The following SLC5A8 variants were observed in gnomAD, a reference collection of about 807,000 sequenced individuals.
SLC5A8 encodes the protein solute carrier family 5 member 8, also known as sodium-coupled monocarboxylate transporter 1.
Under a neutral mutation model 71.9 loss-of-function variants are expected in SLC5A8, and 55 were observed. The ratio of observed to expected loss-of-function variants is 0.77; its 90% confidence interval spans 0.62 to 0.96. SLC5A8 has a LOEUF of 0.96. Among genes scored for constraint, SLC5A8 ranks in the 40% least tolerant of loss-of-function variants. SLC5A8 has a pLI of 0.00. For synonymous variants in SLC5A8, 307 were observed against 276.1 expected, an observed-to-expected ratio of 1.11 and a Z score of -1.11; for missense variants, 701 against 745.3, an observed-to-expected ratio of 0.94 and a Z score of 0.69.
chr12:101,175,683 A>T (rs1210602642), intron 10 of SLC5A8, among the ~76,000 whole-genome samples: 1 of 152,140 alleles, frequency 6.6e-6, no homozygotes, highest in East Asian at 1.9e-4. Flanking sequence ...GAAAACAATT[A>T]GAATAGTAGC....
chr12:101,197,784 G>A (rs761579128), intron 3 of SLC5A8, among the ~76,000 whole-genome samples: 119 of 152,090 alleles, frequency 7.8e-4, no homozygotes, highest in Admixed American at 2.8e-3. Context: ...GGTAGAACAA[G>A]TAAAACAAAT....
chr12:101,173,040 C>G (rs1038804801), intron 10 of SLC5A8, among the ~76,000 whole-genome samples: 2 of 152,180 alleles, frequency 1.3e-5, no homozygotes, highest in East Asian at 3.9e-4. Flanking sequence ...AAAAGAGGCT[C>G]ATTCTGGGGG....
Position 101,195,152 on chromosome 12 carries a change from A to C in SLC5A8, c.480T>G (p.Phe160Leu). 2 of 1,614,128 alleles carry C rather than the reference A, an allele frequency of 1.2e-6. No homozygotes were observed. The highest frequency in any genetic ancestry group is 1.7e-6 in the Non-Finnish European group (2 of 1,179,998). Residue 160 changes from phenylalanine to leucine, a missense_variant, in exon 4 of 15, where the codon TTT (phenylalanine) becomes TTG (leucine). Transcript: ENST00000536262. Reference sequence around the variant, plus strand: ...TTGCCACTACCGCGCCCCACAGATCAAATCCTGTGACTGTAGAAAAAAATA... The same window carrying C: ...TTGCCACTACCGCGCCCCACAGATCCAATCCTGTGACTGTAGAAAAAAATA... ...PALALNQVTG[F>L]DLWGAVVATG...
At chr12:101,166,410 G>A in intron 12 of SLC5A8, 84 bp downstream of exon 12, 12 of 1,180,916 alleles carry the variant, frequency 1.0e-5, no homozygotes, top group Non-Finnish European at 1.4e-5. Context: ...TCACAGTGTT[G>A]TAAGCAAGAC....
chr12:101,197,730 T>C (rs823774), intron 3 of SLC5A8, among the ~76,000 whole-genome samples: 79,073 of 151,874 alleles, frequency 0.52, 21,883 homozygotes, highest in African/African-American at 0.72. Flanking sequence ...ATAGAAAAAT[T>C]GATAATTATA....
At chr12:101,194,745 G>A (rs1417556924) in intron 4 of SLC5A8, among the ~76,000 whole-genome samples, 1 of 152,142 alleles carries the variant, frequency 6.6e-6, no homozygotes. Flanking sequence ...CCAAATTGCT[G>A]GTATTACAGG....
chr12:101,180,127 A>T, intron 9 of SLC5A8, 31 bp from the exon 10 acceptor site: 2 of 1,603,096 alleles, frequency 1.2e-6, no homozygotes, highest in Admixed American at 1.7e-5. Context: ...CCAGTGTAAA[A>T]TCCACACCCA....
intron 10 of SLC5A8, among the ~76,000 whole-genome samples, chr12:101,179,002 A>G (rs573001034): frequency 2.0e-4 from 30 of 152,328 alleles, no homozygotes; most frequent in African/African-American, 7.0e-4. Flanking sequence ...AAAAGACATT[A>G]TGAGATAATG....
intron 9 of SLC5A8, among the ~76,000 whole-genome samples, chr12:101,182,239 A>G (rs568761317): frequency 1.3e-5 from 2 of 152,362 alleles, no homozygotes; most frequent in Admixed American, 1.3e-4. Flanking sequence ...ACAGACAACT[A>G]AGACGAGTCA....
intron 3 of SLC5A8, among the ~76,000 whole-genome samples, chr12:101,196,957 T>C (rs1869203797): frequency 6.6e-6 from 1 of 152,166 alleles, no homozygotes; most frequent in Non-Finnish European, 1.5e-5. Flanking sequence ...GAGTCCAATA[T>C]GCAGCCAAGG....
rs886627072 is a variant in SLC5A8 at position 101,156,624 on chromosome 12, G to C, written c.*655C>G. 2.0e-5 allele frequency: 3 copies of C among 152,226 alleles called. No individual in the cohort carries two copies. The highest frequency in any genetic ancestry group is 7.2e-5 in the African/African-American group (3 of 41,448). 9.4% of individuals were successfully genotyped at this position (152,226 alleles called of 1,614,324 possible). On this transcript the variant is annotated 3_prime_UTR_variant, in exon 15 of 15. Transcript: ENST00000536262. ...CAGCAGCCAAAGCCCAGAAACTCTAGAAAACAAGCCAAAAGGCACAAGAAT... is the reference window on the plus strand; with the variant it reads ...CAGCAGCCAAAGCCCAGAAACTCTACAAAACAAGCCAAAAGGCACAAGAAT...
At chr12:101,160,161 A>C (rs1293760896) in intron 13 of SLC5A8, among the ~76,000 whole-genome samples, 1 of 152,150 alleles carries the variant, frequency 6.6e-6, no homozygotes, top group African/African-American at 2.4e-5. Context: ...CAGCCTGGGC[A>C]AAAGAGCGAG....
At chr12:101,176,197 T>C (rs1337512203) in intron 10 of SLC5A8, among the ~76,000 whole-genome samples, 1 of 152,018 alleles carries the variant, frequency 6.6e-6, no homozygotes, top group African/African-American at 2.4e-5. Flanking sequence ...TAGAAGTAAC[T>C]ATATTAATAT....
intron 13 of SLC5A8, among the ~76,000 whole-genome samples, chr12:101,158,872 T>C (rs1241128795): frequency 1.3e-5 from 2 of 150,220 alleles, no homozygotes; most frequent in African/African-American, 4.9e-5. Context: ...AATTCGGAAC[T>C]GCTGAATAAA....
chr12:101,157,522 G>A (rs532158809), intron 14 of SLC5A8, 121 bp from the exon 15 acceptor site: 18 of 1,224,050 alleles, frequency 1.5e-5, no homozygotes, highest in Middle Eastern at 2.6e-4. Context: ...TCTACTGAGG[G>A]AGAGAAATAT....
Position 101,165,792 on chromosome 12 carries a change from T to C in SLC5A8, c.1526+702A>G, listed in dbSNP as rs543724229. ...TCCAGATAAGCTGGCACTGGGGCAATACTCTAGGGGCAATGGCATCATCTT... is the reference window on the plus strand; with the variant it reads ...TCCAGATAAGCTGGCACTGGGGCAACACTCTAGGGGCAATGGCATCATCTT... On this transcript the variant is annotated intron_variant, in intron 12 of 14. Coordinates refer to ENST00000536262, the MANE Select transcript of SLC5A8 (RefSeq NM_145913.5). 2.6e-5 allele frequency among the ~76,000 whole-genome samples: 4 copies of C among 152,258 alleles called. No individual in the cohort carries two copies. The South Asian group carries it at 8.3e-4, about 32-fold the overall frequency.
At chr12:101,176,294 A>G (rs771564632) in intron 10 of SLC5A8, among the ~76,000 whole-genome samples, 7 of 152,032 alleles carry the variant, frequency 4.6e-5, no homozygotes, top group Non-Finnish European at 1.0e-4. Context: ...CTTCATTAAG[A>G]CCCAATGCAT....
chr12:101,204,413 A>G, intron 2 of SLC5A8, 87 bp downstream of exon 2: 1 of 1,140,626 alleles, frequency 8.8e-7, no homozygotes, highest in South Asian at 1.4e-5. Flanking sequence ...TTTGTCTTTT[A>G]TGTGATTCCC....
chr12:101,183,560 G>T (rs1232234517), intron 8 of SLC5A8, among the ~76,000 whole-genome samples: 1 of 152,012 alleles, frequency 6.6e-6, no homozygotes, highest in East Asian at 1.9e-4. Context: ...TTTTCTTTGT[G>T]CATAGAAAGG....
Sources: gnomAD v4.1 joint callset for allele counts (sites outside exome capture counted in the v4.1 genomes callset) on GRCh38, gnomAD v4.1.1 for gene constraint, MANE v1.5 for transcripts, NCBI Gene and HGNC (gene_info 2026-07-23, HGNC 2026-07-21) for gene names.